Variants in ZNF98 observed in about 807,000 individuals in gnomAD.
ZNF98 encodes the protein zinc finger protein 98, also known as zinc finger protein 739.
A neutral mutation model predicts 12.8 loss-of-function variants in ZNF98; 8 were observed. The observed-to-expected ratio is 0.63, with a 90% confidence interval of 0.37 to 1.13. ZNF98 has a LOEUF of 1.13. ZNF98 is among the 50% of genes most tolerant of loss of function. ZNF98 has a pLI of 0.01. For synonymous variants in ZNF98, 112 were observed against 223.5 expected (o/e 0.50, Z 4.45); for missense variants, 379 against 666.1 (o/e 0.57, Z 4.74).
At position 22,392,812 on chromosome 19, in the gene ZNF98, T is replaced by C. The variant is rs376389556; in HGVS notation, c.423A>G (p.Gly141=). 7.6e-5 allele frequency: 123 copies of C among 1,612,744 alleles called. No homozygotes were observed. In the African/African-American group the frequency reaches 1.5e-3, roughly 20 times the overall value. Residue 141 remains glycine, a synonymous_variant, in exon 4 of 4, where the codon GGA becomes GGG. Coordinates refer to ENST00000357774, the MANE Select transcript of ZNF98 (RefSeq NM_001098626.2). The part of the protein sequence containing the change: ...ECKVHKECYN[G]LNQCLTTTQN... ...GGGTAGTTGTCAAACACTGGTTAAG[T>C]CCATTGTAACATTCTTTGTGCACCT...
chr19:22,408,442 G>A (rs1969546057), intron 1 of ZNF98, among the ~76,000 whole-genome samples: 1 of 152,094 alleles, frequency 6.6e-6, no homozygotes, highest in Non-Finnish European at 1.5e-5. Flanking sequence ...GTTATGGCCA[G>A]GGCAATCAGG....
chr19:22,400,538 C>T (rs1315368328), intron 3 of ZNF98, among the ~76,000 whole-genome samples: 1 of 151,412 alleles, frequency 6.6e-6, no homozygotes, highest in East Asian at 2.0e-4. Context: ...AAGGTGGACC[C>T]TAATGCAGAC....
intron 3 of ZNF98, among the ~76,000 whole-genome samples, chr19:22,399,223 G>A (rs1236608884): frequency 6.6e-6 from 1 of 152,110 alleles, no homozygotes; most frequent in Non-Finnish European, 1.5e-5. Flanking sequence ...ATATTTTACT[G>A]TAACTGTGTA....
chr19:22,415,131 C>T (rs763488009), intron 1 of ZNF98, among the ~76,000 whole-genome samples: 26 of 151,976 alleles, frequency 1.7e-4, no homozygotes, highest in Non-Finnish European at 3.1e-4. Flanking sequence ...ATAAAAAATG[C>T]TCATCACTAA....
At chr19:22,406,215 C>G (rs1335826447) in intron 1 of ZNF98, among the ~76,000 whole-genome samples, 3 of 151,970 alleles carry the variant, frequency 2.0e-5, no homozygotes, top group African/African-American at 7.3e-5. Context: ...CAGGAGTGTT[C>G]CTACTGGCAT....
At chr19:22,396,442 A>T (rs1969395370) in intron 3 of ZNF98, among the ~76,000 whole-genome samples, 1 of 152,258 alleles carries the variant, frequency 6.6e-6, no homozygotes, top group African/African-American at 2.4e-5. Context: ...ACAAAAATCA[A>T]AAAGACACAA....
intron 1 of ZNF98, among the ~76,000 whole-genome samples, chr19:22,410,033 C>G (rs1969564293): frequency 6.7e-6 from 1 of 150,260 alleles, no homozygotes. Context: ...TAGAGAAATA[C>G]AAATCAAAAC....
rs768813594 is a variant in ZNF98 at position 22,392,168 on chromosome 19, C to A, written c.1067G>T (p.Gly356Val). The A allele has an allele frequency of 1.9e-6, 3 of 1,612,696 alleles. No homozygotes were observed. The highest frequency in any genetic ancestry group is 2.2e-5 in the South Asian group (2 of 90,908). ...GTGGGATAACCGGCTAAAGGCCTTA[C>A]CACATTCTTCACATTTGTAGAATTT... ...GEKFYKCEEC[G>V]KAFSRLSHLT... is the part of the protein sequence containing the mutation. Residue 356 changes from glycine (G) to valine (V), a missense_variant, in exon 4 of 4, where the codon GGT becomes GTT. Physicochemically the swap from Gly to Val is moderately radical, Grantham distance 109 (BLOSUM62 -3). Around this residue, in one of 8 missense-constraint regions of ZNF98, gnomAD observed 15 missense variants for 27.0 expected, o/e 0.56. Transcript: ENST00000357774.
chr19:22,417,317 G>A (rs1969656785), intron 1 of ZNF98, among the ~76,000 whole-genome samples: 1 of 151,486 alleles, frequency 6.6e-6, no homozygotes, highest in African/African-American at 2.4e-5. Flanking sequence ...CAGACACTGA[G>A]GCGTAGTTGA....
At chr19:22,393,465 AG>A (rs1453972571) in intron 3 of ZNF98, among the ~76,000 whole-genome samples, 1 of 151,890 alleles carries the variant, frequency 6.6e-6, no homozygotes. Flanking sequence ...CTGAGATGAA[AG>A]GTAAGGTACC....
At chr19:22,408,341 T>C (rs1472328970) in intron 1 of ZNF98, among the ~76,000 whole-genome samples, 2 of 152,176 alleles carry the variant, frequency 1.3e-5, no homozygotes, top group African/African-American at 4.8e-5. Flanking sequence ...CAATGTCATA[T>C]TGAATGGGAA....
At chr19:22,417,920 G>A (rs1315036894) in intron 1 of ZNF98, among the ~76,000 whole-genome samples, 1 of 152,120 alleles carries the variant, frequency 6.6e-6, no homozygotes. Context: ...CATCCTGGGA[G>A]ACCTGGAATC....
chr19:22,412,207 A>G (rs2145119902), intron 1 of ZNF98, among the ~76,000 whole-genome samples: 1 of 152,316 alleles, frequency 6.6e-6, no homozygotes, highest in South Asian at 2.1e-4. Flanking sequence ...AAAAATTCCA[A>G]AATTATATGA....
At chr19:22,406,029 T>C (rs1969515138) in intron 1 of ZNF98, among the ~76,000 whole-genome samples, 1 of 152,158 alleles carries the variant, frequency 6.6e-6, no homozygotes, top group Non-Finnish European at 1.5e-5. Context: ...ACAGCAGACT[T>C]AGCTTTTCCT....
chr19:22,395,178 G>GAAAAAAAAAA (rs71180538), intron 3 of ZNF98, among the ~76,000 whole-genome samples: 2 of 99,862 alleles, frequency 2.0e-5, no homozygotes, highest in Non-Finnish European at 1.9e-5. Context: ...GTTTCAAAAA[G>GAAAAAAAAAA]AAAAAAAAAA....
intron 3 of ZNF98, among the ~76,000 whole-genome samples, chr19:22,396,176 A>C (rs1969391148): frequency 6.6e-6 from 1 of 152,202 alleles, no homozygotes; most frequent in Non-Finnish European, 1.5e-5. Context: ...TAAATTTTGA[A>C]AAATAAAAGC....
chr19:22,402,403 T>G, intron 3 of ZNF98: 1 of 399,102 alleles, frequency 2.5e-6, no homozygotes, highest in Non-Finnish European at 4.4e-6. Context: ...CTCTCACACA[T>G]TTAGGACATG....
intron 3 of ZNF98, chr19:22,402,467 C>T: frequency 2.5e-6 from 1 of 406,962 alleles, no homozygotes; most frequent in Admixed American, 4.4e-5. Flanking sequence ...CAAAATTATG[C>T]AGATTATCTA....
At position 22,391,741 on chromosome 19, in the gene ZNF98, A is replaced by G. The variant is rs74169607; in HGVS notation, c.1494T>C (p.Ala498=). ...KPYKCEECGK[A]FNQSSHLTTH... is the part of the protein sequence containing the mutation. ...TAGTAAGGTGTGAGGACTGGTTAAA[A>G]GCTTTGCCACATTCTTCACATTTGT... The change falls in exon 4 of 4, where the codon GCT becomes GCC. Residue 498 remains alanine (A), a synonymous_variant. Transcript: ENST00000357774. 422 of 1,612,080 alleles carry G rather than the reference A, an allele frequency of 2.6e-4. 5 individuals are homozygous for G. The highest frequency in any genetic ancestry group is 3.5e-5 in the Non-Finnish European group (41 of 1,179,354).
Sources: gnomAD v4.1 joint callset for allele counts (sites outside exome capture counted in the v4.1 genomes callset) on GRCh38, gnomAD v4.1.1 for gene constraint, gnomAD v4.1.1 regional missense constraint, MANE v1.5 for transcripts, NCBI Gene and HGNC (gene_info 2026-07-23, HGNC 2026-07-21) for gene names.